The following VPS13C variants were observed in gnomAD, a reference collection of about 807,000 sequenced individuals.
VPS13C encodes vacuolar protein sorting 13 homolog C.
In VPS13C, 358 loss-of-function variants were observed where a neutral mutation model predicts 456.8. The observed-to-expected ratio is 0.78, with a 90% CI of 0.72 to 0.86. The LOEUF is 0.86. VPS13C is among the 40% of genes least tolerant of loss of function. The pLI is 0.00. For missense variants in VPS13C, 4,818 were observed against 4,385.4 expected (o/e 1.10, Z -2.79); for synonymous variants, 1,578 against 1,486.7 (o/e 1.06, Z -1.41).
rs138111126 is a variant in VPS13C, at chr15:61,954,511, T to C, written c.4209A>G (p.Val1403=). The C allele has an allele frequency of 5.3e-5, 85 of 1,608,208 alleles. No homozygotes were observed. In the African/African-American group the frequency reaches 1.1e-3, roughly 20 times the overall value. Residue 1403 remains valine (V), a synonymous_variant, in exon 38 of 85, where the codon GTA becomes GTG. Transcript: ENST00000644861. The part of the protein sequence containing the change: ...EPLEISISQD[V]HDSKNTLTTG... ...TTGTTAAAGTATTTTTTGAATCATG[T>C]ACATCTTGTGATATAGAGATTTCAA... is the stretch of plus-strand genomic sequence containing the variant.
chr15:62,013,843 A>T, intron 10 of VPS13C, 90 bp downstream of exon 10: 5 of 962,216 alleles, frequency 5.2e-6, no homozygotes, highest in Non-Finnish European at 7.9e-6. Flanking sequence ...TCACACTCCA[A>T]TGGCATATTC....
At chr15:61,953,516 A>G (rs1258144246) in intron 38 of VPS13C, among the ~76,000 whole-genome samples, 3 of 151,098 alleles carry the variant, frequency 2.0e-5, no homozygotes, top group Admixed American at 6.6e-5. Flanking sequence ...TGCGACAGTT[A>G]CTGAGAATGA....
intron 3 of VPS13C, among the ~76,000 whole-genome samples, chr15:62,035,878 T>G (rs2047979873): frequency 6.6e-6 from 1 of 152,024 alleles, no homozygotes; most frequent in Non-Finnish European, 1.5e-5. Flanking sequence ...GTCCCAATTT[T>G]GGGGTTTTAT....
chr15:61,874,067 A>G (rs905918729), intron 77 of VPS13C, among the ~76,000 whole-genome samples: 1 of 152,100 alleles, frequency 6.6e-6, no homozygotes, highest in Non-Finnish European at 1.5e-5. Flanking sequence ...GTTAAGTGAA[A>G]TAAGTCTGGC....
chr15:62,044,291 A>G (rs1422840623), intron 1 of VPS13C, 36 bp from the exon 2 acceptor site: 1 of 1,301,048 alleles, frequency 7.7e-7, no homozygotes, highest in Non-Finnish European at 1.1e-6. Context: ...ATATTACTAT[A>G]ACATACCAAT....
intron 61 of VPS13C, 70 bp from the exon 62 acceptor site, chr15:61,913,485 T>G: frequency 7.4e-7 from 1 of 1,353,876 alleles, no homozygotes; most frequent in East Asian, 2.3e-5. Flanking sequence ...TGAGAGAAAG[T>G]TGCTGGACTA....
intron 62 of VPS13C, among the ~76,000 whole-genome samples, chr15:61,912,370 T>C (rs1401875924): frequency 6.6e-6 from 1 of 152,220 alleles, no homozygotes; most frequent in African/African-American, 2.4e-5. Flanking sequence ...AGTAATAAAA[T>C]AGGTTAATTG....
chr15:61,951,098 G>A (rs1464507052), intron 39 of VPS13C, 74 bp from the exon 40 acceptor site: 3 of 923,134 alleles, frequency 3.2e-6, no homozygotes, highest in Non-Finnish European at 4.9e-6. Context: ...CCAGCCAAAT[G>A]TACACAAATA....
chr15:62,008,123 T>C (rs1445865259), intron 14 of VPS13C, among the ~76,000 whole-genome samples: 1 of 151,972 alleles, frequency 6.6e-6, no homozygotes, highest in Non-Finnish European at 1.5e-5. Context: ...TCTCAGCTAC[T>C]TGGGAGGCTG....
At chr15:61,949,716 A>C (rs1033527791) in intron 41 of VPS13C, 111 bp from the exon 42 acceptor site, 1 of 1,051,328 alleles carries the variant, frequency 9.5e-7, no homozygotes, top group African/African-American at 1.7e-5. Flanking sequence ...GCCTTTTTAA[A>C]ATTTTTATTT....
intron 27 of VPS13C, among the ~76,000 whole-genome samples, chr15:61,971,939 C>T (rs1300920819): frequency 2.6e-5 from 4 of 152,154 alleles, no homozygotes; most frequent in Admixed American, 6.5e-5. Context: ...GGAACACCTC[C>T]ATTTTCTATC....
At chr15:62,026,227 T>C (rs1239011827) in intron 6 of VPS13C, among the ~76,000 whole-genome samples, 1 of 151,694 alleles carries the variant, frequency 6.6e-6, no homozygotes, top group Non-Finnish European at 1.5e-5. Context: ...ACCCTATCAA[T>C]GAATTTTTCA....
chr15:62,033,494 T>C lies in VPS13C; in HGVS notation c.332A>G (p.Lys111Arg), dbSNP rs772271867. Residue 111 changes from lysine to arginine, a missense_variant, in exon 5 of 85, where the codon AAA becomes AGA. Lys to Arg is a conservative substitution (Grantham distance 26). Around this residue, in one of 3 missense-constraint regions of VPS13C, gnomAD observed 4,552 missense variants for 4,130.6 expected, o/e 1.10. Coordinates refer to ENST00000644861, the MANE Select transcript of VPS13C (RefSeq NM_020821.3). Reference sequence around the variant, plus strand: ...TTCAATTCGGGATAGCTCTTTCTGTTTAACATCCTGCAAGGATTTTTCTTC... The same window carrying C: ...TTCAATTCGGGATAGCTCTTTCTGTCTAACATCCTGCAAGGATTTTTCTTC... ...VKEEKSLQDV[K>R]QKELSRIEEA... 1 of 1,608,280 alleles carries C rather than the reference T, an allele frequency of 6.2e-7. No homozygotes were observed. The highest frequency in any genetic ancestry group is 8.5e-7 in the Non-Finnish European group (1 of 1,176,922).
At chr15:61,932,525 T>TAA (rs531683245) in intron 49 of VPS13C, among the ~76,000 whole-genome samples, 3 of 141,798 alleles carry the variant, frequency 2.1e-5, no homozygotes, top group Non-Finnish European at 1.6e-5. Flanking sequence ...TGTCCAGATT[T>TAA]AAAAAAAAAA....
At chr15:61,954,891 C>T (rs2140301036) in intron 37 of VPS13C, among the ~76,000 whole-genome samples, 1 of 152,228 alleles carries the variant, frequency 6.6e-6, no homozygotes, top group African/African-American at 2.4e-5. Context: ...GAGCAAAGGA[C>T]CTCCTCACAC....
At chr15:61,903,230 C>T (rs2043056699) in intron 66 of VPS13C, among the ~76,000 whole-genome samples, 1 of 151,750 alleles carries the variant, frequency 6.6e-6, no homozygotes, top group East Asian at 1.9e-4. Flanking sequence ...CCCTGATATT[C>T]GAGAGACTGA....
chr15:61,884,328 TA>T, intron 67 of VPS13C, 59 bp from the exon 68 acceptor site: 1 of 1,519,800 alleles, frequency 6.6e-7, no homozygotes, highest in Non-Finnish European at 8.9e-7. Context: ...TGTGGAACTT[TA>T]TTCAACTCCA....
At chr15:62,034,207 G>A (rs1054443538) in intron 4 of VPS13C, among the ~76,000 whole-genome samples, 4 of 151,610 alleles carry the variant, frequency 2.6e-5, no homozygotes, top group African/African-American at 9.7e-5. Context: ...CACTGTCACT[G>A]TGAAAACTGT....
chr15:61,998,599 C>A (rs181220225), intron 16 of VPS13C, among the ~76,000 whole-genome samples: 1 of 152,158 alleles, frequency 6.6e-6, no homozygotes, highest in African/African-American at 2.4e-5. Context: ...AGGGGTCAAA[C>A]GGCCCAAAAT....
Sources: gnomAD v4.1 joint callset for allele counts (sites outside exome capture counted in the v4.1 genomes callset) on GRCh38, gnomAD v4.1.1 for gene constraint, gnomAD v4.1.1 regional missense constraint, MANE v1.5 for transcripts, NCBI Gene and HGNC (gene_info 2026-07-23, HGNC 2026-07-21) for gene names.